The following FSTL4 variants were observed in gnomAD, a reference collection of about 807,000 sequenced individuals.
The protein encoded by FSTL4 is follistatin-related protein 4.
In FSTL4, 28 loss-of-function variants were observed where a neutral mutation model predicts 78.2. The observed-to-expected ratio is 0.36, with a 90% CI of 0.27 to 0.49. FSTL4 has a LOEUF of 0.49. Ranked by LOEUF, FSTL4 falls within the 20% of genes least tolerant of loss-of-function variation. The pLI is 0.98. For missense variants in FSTL4, 922 were observed against 1,084.9 expected (o/e 0.85, Z 2.11); for synonymous variants, 422 against 440.5 (o/e 0.96, Z 0.53).
intron 1 of FSTL4, among the ~76,000 whole-genome samples, chr5:133,604,267 A>T (rs573590547): frequency 1.6e-4 from 24 of 152,336 alleles, no homozygotes; most frequent in South Asian, 4.1e-4. Flanking sequence ...TGTTACGTGG[A>T]AACCCATTTG....
chr5:133,560,202 G>A (rs10479044), intron 3 of FSTL4, among the ~76,000 whole-genome samples: 103,013 of 152,056 alleles, frequency 0.68, 34,943 homozygotes, highest in Admixed American at 0.75. Context: ...CCTCAGGTTC[G>A]GATAGCATCA....
At chr5:133,465,463 G>A (rs1046181701) in intron 3 of FSTL4, among the ~76,000 whole-genome samples, 4 of 152,232 alleles carry the variant, frequency 2.6e-5, no homozygotes, top group Admixed American at 2.0e-4. Flanking sequence ...CAGGTCCCAT[G>A]CCACATATTC....
At chr5:133,798,944 A>G in the FSTL4 span, among the ~76,000 whole-genome samples, 1 of 111,664 alleles carries the variant, frequency 9.0e-6, no homozygotes, top group Non-Finnish European at 1.7e-5. Context: ...GAAGGAGAGG[A>G]TAAGGAAGGG....
intron 13 of FSTL4, among the ~76,000 whole-genome samples, chr5:133,216,898 C>T (rs1750925111): frequency 1.3e-5 from 2 of 152,192 alleles, no homozygotes; most frequent in Admixed American, 1.3e-4. Context: ...ATCTCATTCA[C>T]CTTGAGGGAA....
chr5:133,725,128 C>A, the FSTL4 span, among the ~76,000 whole-genome samples: 1 of 152,138 alleles, frequency 6.6e-6, no homozygotes, highest in Non-Finnish European at 1.5e-5. Flanking sequence ...TTATAGTAAG[C>A]CTTTCAATCA....
At chr5:133,279,815 A>C (rs952381495) in intron 6 of FSTL4, among the ~76,000 whole-genome samples, 14 of 152,366 alleles carry the variant, frequency 9.2e-5, no homozygotes, top group African/African-American at 1.2e-4. Context: ...CTTTGCACAT[A>C]TAATTACTTA....
At chr5:133,285,219 A>G (rs1266045852) in intron 6 of FSTL4, among the ~76,000 whole-genome samples, 1 of 152,278 alleles carries the variant, frequency 6.6e-6, no homozygotes, top group Non-Finnish European at 1.5e-5. Flanking sequence ...TTGAAAGAAG[A>G]GAGAGAAGTC....
intron 7 of FSTL4, among the ~76,000 whole-genome samples, chr5:133,239,351 C>T (rs570265639): frequency 8.5e-5 from 13 of 152,262 alleles, no homozygotes; most frequent in Admixed American, 5.2e-4. Flanking sequence ...TGCGGGCGCA[C>T]GGCACGGGAC....
chr5:133,838,784 TCTA>T, the FSTL4 span, among the ~76,000 whole-genome samples: 1 of 152,190 alleles, frequency 6.6e-6, no homozygotes, highest in Non-Finnish European at 1.5e-5. Context: ...CAGCTTCACT[TCTA>T]CTGCATTCTG....
the FSTL4 span, among the ~76,000 whole-genome samples, chr5:133,688,516 T>G: frequency 2.0e-5 from 3 of 152,216 alleles, no homozygotes; most frequent in African/African-American, 7.2e-5. Context: ...ATAAAAAGTT[T>G]TGGTGCTTTG....
intron 3 of FSTL4, among the ~76,000 whole-genome samples, chr5:133,539,767 C>T (rs1168673371): frequency 6.6e-6 from 1 of 152,040 alleles, no homozygotes; most frequent in Non-Finnish European, 1.5e-5. Context: ...ATTCAGGGAC[C>T]TCTTCATTTT....
At chr5:133,461,634 A>G (rs959693817) in intron 3 of FSTL4, among the ~76,000 whole-genome samples, 17 of 152,196 alleles carry the variant, frequency 1.1e-4, no homozygotes, top group Non-Finnish European at 2.2e-4. Flanking sequence ...GACTGACTGG[A>G]CATATCTGGG....
intron 4 of FSTL4, among the ~76,000 whole-genome samples, chr5:133,321,639 AGTTCGAGAGAATG>A (rs952255488): frequency 2.0e-5 from 3 of 152,226 alleles, no homozygotes; most frequent in Admixed American, 6.5e-5. Context: ...TGAGGTCAGG[AGTTCGAGAGAATG>A]GTTCGAGAGA....
chr5:133,328,057 G>A (rs1754257704), intron 4 of FSTL4, among the ~76,000 whole-genome samples: 1 of 152,204 alleles, frequency 6.6e-6, no homozygotes, highest in Non-Finnish European at 1.5e-5. Flanking sequence ...AAGGTACAAG[G>A]CTCACTTTGG....
At chr5:133,284,680 T>C (rs1753088937) in intron 6 of FSTL4, among the ~76,000 whole-genome samples, 1 of 152,220 alleles carries the variant, frequency 6.6e-6, no homozygotes, top group African/African-American at 2.4e-5. Context: ...CTGGAGAAGA[T>C]TCAGGCATCC....
At chr5:133,388,516 G>A (rs529870552) in intron 4 of FSTL4, 2 of 151,870 alleles carry the variant, frequency 1.3e-5, no homozygotes, top group African/African-American at 4.8e-5. Flanking sequence ...AACTGAAGGG[G>A]AGAAGCTGCC....
chr5:133,495,670 C>T (rs1758354707), intron 3 of FSTL4, among the ~76,000 whole-genome samples: 1 of 152,172 alleles, frequency 6.6e-6, no homozygotes, highest in Non-Finnish European at 1.5e-5. Context: ...GGGGACCACT[C>T]CGGGGCCTAA....
chr5:133,684,350 A>G, the FSTL4 span, among the ~76,000 whole-genome samples: 1 of 152,144 alleles, frequency 6.6e-6, no homozygotes, highest in Admixed American at 6.6e-5. Flanking sequence ...AGCACCCGTG[A>G]GACTCCAGCC....
intron 6 of FSTL4, among the ~76,000 whole-genome samples, chr5:133,269,332 G>A (rs1752716338): frequency 6.6e-6 from 1 of 152,192 alleles, no homozygotes; most frequent in African/African-American, 2.4e-5. Context: ...TGTACATGCA[G>A]GAGAGAAAGC....
Sources: gnomAD v4.1 joint callset for allele counts (sites outside exome capture counted in the v4.1 genomes callset) on GRCh38, gnomAD v4.1.1 for gene constraint, MANE v1.5 for transcripts, NCBI Gene and HGNC (gene_info 2026-07-23, HGNC 2026-07-21) for gene names.